The following GNG7 variants were observed in gnomAD, a reference collection of about 807,000 sequenced individuals.
GNG7 encodes the protein G protein subunit gamma 7.
A neutral mutation model predicts 4.0 loss-of-function variants in GNG7; 1 was observed. The observed-to-expected ratio is 0.25, with a 90% CI of 0.09 to 1.18. The LOEUF (loss-of-function observed/expected upper bound fraction) is 1.18. Ranked by LOEUF, GNG7 falls within the 50% of genes most tolerant of loss-of-function variation. GNG7 has a pLI of 0.50. For missense variants in GNG7, 86 were observed against 91.9 expected (o/e 0.94, Z 0.26); for synonymous variants, 34 against 36.9 (o/e 0.92, Z 0.29).
At chr19:2,584,898 G>GGGAA (rs1472138662) in intron 2 of GNG7, among the ~76,000 whole-genome samples, 1 of 30,676 alleles carries the variant, frequency 3.3e-5, no homozygotes, top group African/African-American at 2.0e-4. Flanking sequence ...GAGGGAGGGA[G>GGGAA]GGAAGGAAGG....
In GNG7 at chr19:2,634,319, C is replaced by G. The variant is rs192141623; in HGVS notation, c.-78+11905G>C. On this transcript the variant is annotated intron_variant, in intron 2 of 4. Transcript: ENST00000382159. The surrounding 1 kb of genome is among the most constrained non-coding windows in gnomAD (Gnocchi z 5.3). ...GAGCAGTATCCCTGGCCTCCACCCACTCCATGCCAGGAGCTCCCCCAAGTC... is the reference window on the plus strand; with the variant it reads ...GAGCAGTATCCCTGGCCTCCACCCAGTCCATGCCAGGAGCTCCCCCAAGTC... Among the ~76,000 whole-genome samples the G allele has an allele frequency of 1.7e-4, 26 of 152,212 alleles. No individual in the cohort carries two copies. Among genetic ancestry groups the G allele is most frequent in the Non-Finnish European group, 1.6e-4 (11 of 68,036 alleles).
chr19:2,612,243 T>C (rs1159771019), intron 2 of GNG7, among the ~76,000 whole-genome samples: 2 of 152,156 alleles, frequency 1.3e-5, no homozygotes, highest in African/African-American at 4.8e-5. Flanking sequence ...CATCCTTCTC[T>C]GGGGTGGGGC....
chr19:2,531,385 G>T (rs897693446), intron 3 of GNG7, among the ~76,000 whole-genome samples: 2 of 145,952 alleles, frequency 1.4e-5, no homozygotes, highest in African/African-American at 2.5e-5. Context: ...GCAGAGTTTT[G>T]AATAATCTCA....
intron 3 of GNG7, among the ~76,000 whole-genome samples, chr19:2,529,432 G>A (rs1978516226): frequency 6.6e-6 from 1 of 151,902 alleles, no homozygotes; most frequent in Non-Finnish European, 1.5e-5. Context: ...TGGCCAGGCT[G>A]GTCTCGAACT....
chr19:2,616,590 A>G (rs1215524686), intron 2 of GNG7, among the ~76,000 whole-genome samples: 1 of 152,130 alleles, frequency 6.6e-6, no homozygotes, highest in African/African-American at 2.4e-5. Flanking sequence ...CAGCCTGACC[A>G]ACAGGGAGAA....
At chr19:2,690,188 C>T (rs557742874) in intron 1 of GNG7, among the ~76,000 whole-genome samples, 4 of 152,034 alleles carry the variant, frequency 2.6e-5, no homozygotes, top group Non-Finnish European at 5.9e-5. Context: ...TCGAGACCAG[C>T]CTGGCCAACA....
intron 2 of GNG7, among the ~76,000 whole-genome samples, chr19:2,605,311 G>A (rs1172607363): frequency 3.9e-5 from 6 of 152,042 alleles, no homozygotes; most frequent in African/African-American, 1.4e-4. Context: ...TGATTCTCCT[G>A]CCTCAGCCTC....
chr19:2,669,202 C>G (rs1410519263), intron 1 of GNG7, among the ~76,000 whole-genome samples: 1 of 152,130 alleles, frequency 6.6e-6, no homozygotes, highest in Non-Finnish European at 1.5e-5. Context: ...CAGAAAACTA[C>G]CGCTGTGGGT....
At chr19:2,590,565 C>T (rs976374897) in intron 2 of GNG7, among the ~76,000 whole-genome samples, 3 of 146,058 alleles carry the variant, frequency 2.1e-5, no homozygotes, top group Non-Finnish European at 3.0e-5. Context: ...GCCCACTCAT[C>T]CATTCACCCA....
intron 2 of GNG7, among the ~76,000 whole-genome samples, chr19:2,564,667 C>T (rs537448791): frequency 3.8e-4 from 58 of 152,072 alleles, no homozygotes; most frequent in East Asian, 1.4e-3. Context: ...TGGGGTGACA[C>T]GGCCACAAGC....
At chr19:2,680,912 G>T (rs1983715912) in intron 1 of GNG7, among the ~76,000 whole-genome samples, 2 of 151,808 alleles carry the variant, frequency 1.3e-5, no homozygotes. Flanking sequence ...TCGCATGAGG[G>T]TCCCCATGTC....
intron 2 of GNG7, among the ~76,000 whole-genome samples, chr19:2,568,686 T>A (rs914636621): frequency 3.4e-5 from 5 of 148,334 alleles, no homozygotes; most frequent in African/African-American, 1.3e-4. Context: ...TATATACACA[T>A]ACACACATAC....
At chr19:2,588,849 C>T (rs61683003) in intron 2 of GNG7, among the ~76,000 whole-genome samples, 2 of 151,986 alleles carry the variant, frequency 1.3e-5, no homozygotes, top group African/African-American at 2.4e-5. Context: ...GCTTTGTCTT[C>T]GTGGTGGCAC....
intron 2 of GNG7, among the ~76,000 whole-genome samples, chr19:2,619,762 C>CG (rs1293170821): frequency 2.0e-5 from 3 of 151,184 alleles, no homozygotes; most frequent in Non-Finnish European, 3.0e-5. Context: ...GCAGGGCTGC[C>CG]GGGGGGAGAT....
At chr19:2,688,477 C>G (rs1913052539) in intron 1 of GNG7, among the ~76,000 whole-genome samples, 1 of 152,164 alleles carries the variant, frequency 6.6e-6, no homozygotes, top group Non-Finnish European at 1.5e-5. Flanking sequence ...GAGAGAGCAA[C>G]AGGGCACCTC....
chr19:2,552,844 C>G (rs1031844788), intron 3 of GNG7, among the ~76,000 whole-genome samples: 1 of 96,046 alleles, frequency 1.0e-5, no homozygotes, highest in African/African-American at 3.9e-5. Context: ...ACCATCCTCC[C>G]GGCTCCACCC....
At chr19:2,657,405 TAATA>T (rs1983026176) in intron 1 of GNG7, among the ~76,000 whole-genome samples, 2 of 90,652 alleles carry the variant, frequency 2.2e-5, no homozygotes, top group Admixed American at 1.2e-4. Context: ...TATATACACA[TAATA>T]ACATTTATCC....
intron 1 of GNG7, among the ~76,000 whole-genome samples, chr19:2,657,399 T>TATATATATATATATATACACACAC (rs1332253018): frequency 1.2e-5 from 1 of 80,748 alleles, no homozygotes; most frequent in African/African-American, 6.2e-5. Flanking sequence ...TATATATATA[T>TATATATATATATATATACACACAC]ACACATAATA....
intron 2 of GNG7, among the ~76,000 whole-genome samples, chr19:2,620,978 G>A (rs1890071211): frequency 6.6e-6 from 1 of 152,128 alleles, no homozygotes; most frequent in Admixed American, 6.5e-5. Context: ...GCGCTCTGAA[G>A]GTGGCAGATT....
Sources: gnomAD v4.1 joint callset for allele counts (sites outside exome capture counted in the v4.1 genomes callset) on GRCh38, gnomAD v4.1.1 for gene constraint, Gnocchi (gnomAD v3.1) non-coding constraint, MANE v1.5 for transcripts, NCBI Gene and HGNC (gene_info 2026-07-23, HGNC 2026-07-21) for gene names.